Variants in RSRC1 observed in about 807,000 individuals in gnomAD.
RSRC1 encodes arginine and serine rich coiled-coil 1.
RSRC1 carries 39 observed loss-of-function variants against 49.1 expected under a neutral mutation model. The ratio of observed to expected loss-of-function variants is 0.79; its 90% CI spans 0.61 to 1.04. The LOEUF (loss-of-function observed/expected upper bound fraction) is 1.04, where lower values mean the gene tolerates loss of function less well. Ranked by LOEUF, RSRC1 falls within the 50% of genes least tolerant of loss-of-function variation. RSRC1 has a pLI of 0.00. For missense variants in RSRC1, 388 were observed against 402.4 expected (o/e 0.96, Z 0.31); for synonymous variants, 143 against 130.8 (o/e 1.09, Z -0.63).
chr3:158,515,687 A>C (rs1578566734), intron 7 of RSRC1, among the ~76,000 whole-genome samples: 4 of 143,952 alleles, frequency 2.8e-5, no homozygotes. Flanking sequence ...AATATCCTGC[A>C]GAGTGTTTTC....
chr3:158,336,575 C>G (rs1224321924), intron 5 of RSRC1: 1 of 152,248 alleles, frequency 6.6e-6, no homozygotes, highest in Non-Finnish European at 1.5e-5. Context: ...CTGGGATGTT[C>G]ATTGCCTTTG....
intron 2 of RSRC1, among the ~76,000 whole-genome samples, chr3:158,122,704 T>C (rs1715344161): frequency 6.6e-6 from 1 of 152,164 alleles, no homozygotes; most frequent in African/African-American, 2.4e-5. Flanking sequence ...ACATTAGGTG[T>C]ATCTCCTAAT....
At chr3:158,217,199 A>G (rs1721988706) in intron 4 of RSRC1, among the ~76,000 whole-genome samples, 2 of 151,638 alleles carry the variant, frequency 1.3e-5, no homozygotes, top group South Asian at 2.1e-4. Flanking sequence ...GCTCTTCTCC[A>G]AAGAGTCCAT....
At chr3:158,129,014 G>A (rs4680411) in intron 3 of RSRC1, among the ~76,000 whole-genome samples, 108,242 of 152,096 alleles carry the variant, frequency 0.71, 39,251 homozygotes, top group African/African-American at 0.83. Context: ...AACCTTGATC[G>A]TGTAGTTAAG....
At chr3:158,324,465 G>A (rs1236844367) in intron 5 of RSRC1, among the ~76,000 whole-genome samples, 1 of 152,114 alleles carries the variant, frequency 6.6e-6, no homozygotes, top group African/African-American at 2.4e-5. Flanking sequence ...TCCCACCTAT[G>A]AGTGAGAACA....
chr3:158,522,093 A>C (rs1436288910), intron 7 of RSRC1, among the ~76,000 whole-genome samples: 1 of 152,106 alleles, frequency 6.6e-6, no homozygotes, highest in East Asian at 1.9e-4. Flanking sequence ...GAATTTTTTA[A>C]ATGAAATAAT....
intron 7 of RSRC1, among the ~76,000 whole-genome samples, chr3:158,497,639 G>C (rs972209856): frequency 1.3e-5 from 2 of 151,978 alleles, no homozygotes; most frequent in African/African-American, 4.8e-5. Context: ...GTTTCACCAT[G>C]TTGGCCAGGA....
chr3:158,168,372 G>A (rs1435013862), intron 3 of RSRC1, among the ~76,000 whole-genome samples: 1 of 152,160 alleles, frequency 6.6e-6, no homozygotes, highest in Non-Finnish European at 1.5e-5. Context: ...AATAATAAAT[G>A]TTTGTTGTTT....
rs545939201 is a variant in RSRC1, at chr3:158,112,187, T to G, written c.-3+1964T>G. On this transcript the variant is annotated intron_variant, in intron 1 of 9. Coordinates refer to ENST00000611884, the MANE Select transcript of RSRC1 (RefSeq NM_001271838.2). ...GTCAGCTTGTAGGACTCTAAAAGCC[T>G]GTGCTCCATTCATCATTCATTGCCC... Among the ~76,000 whole-genome samples, 4 of 152,326 alleles carry G rather than the reference T, an allele frequency of 2.6e-5. No homozygotes were observed. In the South Asian group the frequency reaches 8.3e-4, roughly 32 times the overall value.
At position 158,180,379 on chromosome 3, in the gene RSRC1, T is replaced by C. The variant is rs570009976; in HGVS notation, c.321-22693T>C. ...TTTAATTATCGTATAAAGTATGAGG[T>C]TTAGGTCGAGGTTCTTTTTTTTTTT... On this transcript the variant is annotated intron_variant, in intron 3 of 9. Coordinates refer to ENST00000611884, the MANE Select transcript of RSRC1 (RefSeq NM_001271838.2). 5.4e-5 allele frequency among the ~76,000 whole-genome samples: 8 copies of C among 149,306 alleles called. No homozygotes were observed. The East Asian group carries it at 1.2e-3, about 22-fold the overall frequency.
chr3:158,348,379 A>T (rs1730682702), intron 5 of RSRC1, among the ~76,000 whole-genome samples: 1 of 152,120 alleles, frequency 6.6e-6, no homozygotes, highest in South Asian at 2.1e-4. Context: ...GGCTCAAAGG[A>T]TTATGCTGGT....
rs73164099 is a variant in RSRC1, at chr3:158,183,988, G to A, written c.321-19084G>A. On this transcript the variant is annotated intron_variant, in intron 3 of 9. Coordinates refer to ENST00000611884, the MANE Select transcript of RSRC1 (RefSeq NM_001271838.2). ...CTAGGTGCTACTGGGGTGGGGTTTC[G>A]CTTTTAAGTTTACTTTCTTCTTTGT... is the stretch of plus-strand genomic sequence containing the variant. Among the ~76,000 whole-genome samples the A allele has an allele frequency of 6.5e-3, 983 of 152,066 alleles. 11 individuals are homozygous for A. Among genetic ancestry groups the A allele is most frequent in the Non-Finnish European group, 0.01 (702 of 67,974 alleles).
chr3:158,200,665 A>G (rs1720992514), intron 3 of RSRC1, among the ~76,000 whole-genome samples: 1 of 151,760 alleles, frequency 6.6e-6, no homozygotes, highest in Non-Finnish European at 1.5e-5. Context: ...TTCTTTTTTT[A>G]GTAGTTGCTC....
intron 3 of RSRC1, among the ~76,000 whole-genome samples, chr3:158,127,074 G>T (rs1320166787): frequency 6.6e-6 from 1 of 151,790 alleles, no homozygotes; most frequent in Non-Finnish European, 1.5e-5. Context: ...TTTAACTTTT[G>T]TTAATTAGAT....
chr3:158,331,918 T>C (rs1463435292), intron 5 of RSRC1, among the ~76,000 whole-genome samples: 1 of 151,636 alleles, frequency 6.6e-6, no homozygotes, highest in Non-Finnish European at 1.5e-5. Flanking sequence ...ATTTAGTTGC[T>C]CTTTCATAAT....
intron 7 of RSRC1, among the ~76,000 whole-genome samples, chr3:158,519,094 C>T (rs945419321): frequency 2.6e-5 from 4 of 152,084 alleles, no homozygotes; most frequent in Admixed American, 6.6e-5. Context: ...AGGTCTTTCT[C>T]GTTGTAATGA....
At chr3:158,334,485 AT>A (rs11287218) in intron 5 of RSRC1, among the ~76,000 whole-genome samples, 115,209 of 146,096 alleles carry the variant, frequency 0.79, 45,478 homozygotes, top group East Asian at 0.87. Context: ...TAACAGGAGA[AT>A]TTTTTTTTTT....
intron 3 of RSRC1, among the ~76,000 whole-genome samples, chr3:158,129,356 T>C (rs577631179): frequency 6.8e-6 from 1 of 147,366 alleles, no homozygotes; most frequent in South Asian, 2.2e-4. Flanking sequence ...GTGACGCAAT[T>C]CTCATCTCAC....
Position 158,349,691 on chromosome 3 carries a change from C to CTTTTTTTTT in RSRC1, c.532-5150_532-5142dup, listed in dbSNP as rs775736592. Among the ~76,000 whole-genome samples the CTTTTTTTTT allele has an allele frequency of 3.7e-4, 28 of 74,836 alleles. 1 individual carries two copies. The highest frequency in any genetic ancestry group is 1.8e-3 in the East Asian group (4 of 2,220). The allele number at this position is 74,836 out of a possible 152,430, so 49.1% of individuals were successfully genotyped here. On this transcript the variant is annotated intron_variant, in intron 5 of 9. Coordinates refer to ENST00000611884, the MANE Select transcript of RSRC1 (RefSeq NM_001271838.2). ...AAAAGTTTACATTATTCTTACTGCC[C>CTTTTTTTTT]TTTTTTTTTTTTTTTTTTTTTTTTG...
Sources: allele counts gnomAD v4.1 joint callset (sites outside exome capture counted in the v4.1 genomes callset), GRCh38; gene constraint gnomAD v4.1.1; transcripts MANE v1.5; gene names NCBI Gene and HGNC (gene_info 2026-07-23, HGNC 2026-07-21).